Variants in BCAS3 observed in about 807,000 individuals in gnomAD.
BCAS3 encodes the protein BCAS4/BCAS3 fusion.
Under a neutral mutation model 116.1 loss-of-function variants are expected in BCAS3, and 53 were observed. That is an observed-to-expected ratio of 0.46 (90% CI 0.37 to 0.57). The LOEUF (loss-of-function observed/expected upper bound fraction) is 0.57. Ranked by LOEUF, BCAS3 falls within the 20% of genes least tolerant of loss-of-function variation. BCAS3 has a pLI of 0.00. For synonymous variants in BCAS3, 391 were observed against 408.2 expected (o/e 0.96, Z 0.51); for missense variants, 917 against 1,165.4 (o/e 0.79, Z 3.10).
At chr17:60,844,372 C>T (rs1366840278) in intron 7 of BCAS3, among the ~76,000 whole-genome samples, 1 of 152,186 alleles carries the variant, frequency 6.6e-6, no homozygotes, top group Non-Finnish European at 1.5e-5. Context: ...ACTTAAGATT[C>T]ATTGTTACTT....
intron 22 of BCAS3, among the ~76,000 whole-genome samples, chr17:61,115,112 C>T (rs1431575194): frequency 2.7e-5 from 4 of 150,348 alleles, no homozygotes; most frequent in Admixed American, 1.3e-4. Flanking sequence ...AAGACTTAAA[C>T]GTTAGACCTA....
chr17:60,717,894 C>T (rs940123003), intron 5 of BCAS3, among the ~76,000 whole-genome samples: 1 of 152,178 alleles, frequency 6.6e-6, no homozygotes, highest in Non-Finnish European at 1.5e-5. Context: ...AATGTAGAAT[C>T]AGTGGGAGCC....
intron 22 of BCAS3, among the ~76,000 whole-genome samples, chr17:61,304,335 C>G (rs997149284): frequency 6.6e-6 from 1 of 152,236 alleles, no homozygotes; most frequent in African/African-American, 2.4e-5. Context: ...CTTAGCAAGG[C>G]CTGCAAAACC....
chr17:60,869,759 G>A (rs1015299769), intron 8 of BCAS3, among the ~76,000 whole-genome samples: 1 of 152,118 alleles, frequency 6.6e-6, no homozygotes, highest in Non-Finnish European at 1.5e-5. Flanking sequence ...TATTGAATGG[G>A]TAGATCCTGC....
At chr17:60,763,530 A>G (rs9674647) in intron 6 of BCAS3, among the ~76,000 whole-genome samples, 41,600 of 151,990 alleles carry the variant, frequency 0.27, 11,381 homozygotes, top group African/African-American at 0.71. Context: ...CCAGCCTTGC[A>G]TCCCAGGGAT....
At position 61,132,462 on chromosome 17, in the gene BCAS3, C is replaced by G. The variant is rs368299015; in HGVS notation, c.2425+47898C>G. On this transcript the variant is annotated intron_variant, in intron 22 of 23. Coordinates refer to ENST00000407086, the MANE Select transcript of BCAS3 (RefSeq NM_017679.5). This position sits in a 1 kb window ranked among gnomAD's most constrained non-coding sequence, Gnocchi z 5.1. ...GCCATGTGAGCTATAATCTACTGCC[C>G]TGGTCAAACTTAACCAAAATTCTGT... Among the ~76,000 whole-genome samples the G allele has an allele frequency of 4.6e-5, 7 of 152,296 alleles. No individual in the cohort carries two copies. The East Asian group carries it at 1.2e-3, about 25-fold the overall frequency.
At chr17:61,093,785 G>T (rs1226232845) in intron 22 of BCAS3, among the ~76,000 whole-genome samples, 1 of 151,816 alleles carries the variant, frequency 6.6e-6, no homozygotes, top group Admixed American at 6.6e-5. Context: ...TACCCACATT[G>T]TACTACCTTA....
intron 6 of BCAS3, among the ~76,000 whole-genome samples, chr17:60,798,685 C>T (rs2047431042): frequency 6.6e-6 from 1 of 152,176 alleles, no homozygotes; most frequent in Admixed American, 6.5e-5. Flanking sequence ...GTCTTCAGTT[C>T]ATTTTCGTAA....
Position 61,279,164 on chromosome 17 carries a change from CT to C in BCAS3, c.2426-89161del, listed in dbSNP as rs199939193. On this transcript the variant is annotated intron_variant, in intron 22 of 23. Transcript: ENST00000407086. The surrounding 1 kb of genome is among the most constrained non-coding windows in gnomAD (Gnocchi z 4.4). ...GTTTTACTGTGTTGGCCAGGCTGGT[CT>C]TGAACTCCTGACCTCAAGTGATCCG... Among the ~76,000 whole-genome samples, 2,980 of 152,086 alleles carry C rather than the reference CT, an allele frequency of 0.02. 88 individuals are homozygous for C. Among genetic ancestry groups the C allele is most frequent in the African/African-American group, 0.067 (2,769 of 41,488 alleles).
rs2143874640 is a variant in BCAS3 at position 61,131,999 on chromosome 17, T to C, written c.2425+47435T>C. On this transcript the variant is annotated intron_variant, in intron 22 of 23. Coordinates refer to ENST00000407086, the MANE Select transcript of BCAS3 (RefSeq NM_017679.5). This position sits in a 1 kb window ranked among gnomAD's most constrained non-coding sequence, Gnocchi z 4.4. ...CTTGTTAACTGCTTTTCATGCAGGGTTGCAATTAACCCCTGGCAGATACCT... is the reference window on the plus strand; with the variant it reads ...CTTGTTAACTGCTTTTCATGCAGGGCTGCAATTAACCCCTGGCAGATACCT... 6.6e-6 allele frequency among the ~76,000 whole-genome samples: 1 copy of C among 152,326 alleles called. No homozygotes were observed. The highest frequency in any genetic ancestry group is 2.4e-5 in the African/African-American group (1 of 41,568).
At position 61,271,424 on chromosome 17, in the gene BCAS3, A is replaced by ATTTTTTTTTTTTTTTTTTTTTTT. The variant is rs71148400; in HGVS notation, c.2426-96890_2426-96889insTTTTTTTTTTTTTTTTTTTTTTT. Among the ~76,000 whole-genome samples the ATTTTTTTTTTTTTTTTTTTTTTT allele has an allele frequency of 6.6e-3, 463 of 70,230 alleles. 111 individuals are homozygous for ATTTTTTTTTTTTTTTTTTTTTTT. The highest frequency in any genetic ancestry group is 0.06 in the Middle Eastern group (3 of 50). The allele number at this position is 70,230 out of a possible 152,430, so 46.1% of individuals were successfully genotyped here. On this transcript the variant is annotated intron_variant, in intron 22 of 23. Coordinates refer to ENST00000407086, the MANE Select transcript of BCAS3 (RefSeq NM_017679.5). ...TACAGGTGTAAGCCACCATGCCCGG[A>ATTTTTTTTTTTTTTTTTTTTTTT]TTTTTTTTTTTTTGTCTTAGGTGGA...
At position 61,134,142 on chromosome 17, in the gene BCAS3, G is replaced by A. The variant is rs1272899841; in HGVS notation, c.2425+49578G>A. ...TATTTCATATAGTCTGCTATAGTCT[G>A]GCCAGTATGAATTAAATAAAAGTCA... On this transcript the variant is annotated intron_variant, in intron 22 of 23. Coordinates refer to ENST00000407086, the MANE Select transcript of BCAS3 (RefSeq NM_017679.5). The surrounding 1 kb of genome is among the most constrained non-coding windows in gnomAD (Gnocchi z 4.6). 3.9e-5 allele frequency among the ~76,000 whole-genome samples: 6 copies of A among 152,094 alleles called. No individual in the cohort carries two copies. The highest frequency in any genetic ancestry group is 8.8e-5 in the Non-Finnish European group (6 of 68,016).
Position 61,363,923 on chromosome 17 carries a change from C to T in BCAS3, c.2426-4404C>T, listed in dbSNP as rs899328510. ...CCAAGAGCCCAGAGATGACCTCACC[C>T]TCCAAGGGCTTGGCCTCTTCACCCC... On this transcript the variant is annotated intron_variant, in intron 22 of 23. Coordinates refer to ENST00000407086, the MANE Select transcript of BCAS3 (RefSeq NM_017679.5). The surrounding 1 kb of genome is among the most constrained non-coding windows in gnomAD (Gnocchi z 4.9). 4.6e-5 allele frequency among the ~76,000 whole-genome samples: 7 copies of T among 152,198 alleles called. No homozygotes were observed. The highest frequency in any genetic ancestry group is 3.9e-4 in the Admixed American group (6 of 15,276).
intron 19 of BCAS3, among the ~76,000 whole-genome samples, chr17:61,047,937 C>G (rs936432250): frequency 3.3e-5 from 5 of 151,900 alleles, no homozygotes; most frequent in African/African-American, 1.2e-4. Flanking sequence ...CTAAATCAGG[C>G]TGTGATGTGT....
chr17:61,268,472 A>G (rs939470453), intron 22 of BCAS3, among the ~76,000 whole-genome samples: 11 of 152,208 alleles, frequency 7.2e-5, no homozygotes, highest in African/African-American at 2.7e-4. Context: ...AGTAATACGT[A>G]TGTATATTAT....
rs534538252 is a variant in BCAS3 at position 61,363,672 on chromosome 17, G to A, written c.2426-4655G>A. On this transcript the variant is annotated intron_variant, in intron 22 of 23. Coordinates refer to ENST00000407086, the MANE Select transcript of BCAS3 (RefSeq NM_017679.5). This position sits in a 1 kb window ranked among gnomAD's most constrained non-coding sequence, Gnocchi z 4.9. ...TAACTGAAATAGCAAATGTGAGAGG[G>A]CTTTGTAAATAGCAGAGCACTGCTT... Among the ~76,000 whole-genome samples the A allele has an allele frequency of 6.6e-6, 1 of 152,198 alleles. No individual in the cohort carries two copies. Among genetic ancestry groups the A allele is most frequent in the East Asian group, 1.9e-4 (1 of 5,182 alleles).
chr17:61,287,983 G>A (rs1310715644), intron 22 of BCAS3, among the ~76,000 whole-genome samples: 1 of 152,140 alleles, frequency 6.6e-6, no homozygotes, highest in South Asian at 2.1e-4. Context: ...CAGAGGAATC[G>A]GGACTCGAAC....
At chr17:60,732,300 G>A (rs76696591) in intron 5 of BCAS3, among the ~76,000 whole-genome samples, 4,831 of 152,184 alleles carry the variant, frequency 0.032, 241 homozygotes, top group African/African-American at 0.11. Context: ...AATTAGATAA[G>A]ATTGGTAACT....
intron 14 of BCAS3, among the ~76,000 whole-genome samples, chr17:60,949,155 G>A (rs570536660): frequency 2.0e-5 from 3 of 152,180 alleles, no homozygotes; most frequent in East Asian, 1.9e-4. Context: ...GATTATAGAC[G>A]TGAGCCACCG....
Sources: allele counts gnomAD v4.1 joint callset (sites outside exome capture counted in the v4.1 genomes callset), GRCh38; gene constraint gnomAD v4.1.1; non-coding constraint Gnocchi (gnomAD v3.1); transcripts MANE v1.5; gene names NCBI Gene and HGNC (gene_info 2026-07-23, HGNC 2026-07-21).